PCLO: variants seen among roughly 807,000 people sequenced by gnomAD.
PCLO encodes the protein protein piccolo.
Under a neutral mutation model 427.5 loss-of-function variants are expected in PCLO, and 82 were observed. That is an observed-to-expected ratio of 0.19 (90% CI 0.16 to 0.23). The LOEUF (loss-of-function observed/expected upper bound fraction) is 0.23, where lower values mean the gene tolerates loss of function less well. PCLO is among the 10% of genes least tolerant of loss of function. The pLI, the probability that PCLO is intolerant of heterozygous loss-of-function variation, is 1.00. For synonymous variants in PCLO, 2,357 were observed against 2,155.4 expected (o/e 1.09, Z -2.59); for missense variants, 6,239 against 6,115.9 (o/e 1.02, Z -0.67).
intron 9 of PCLO, among the ~76,000 whole-genome samples, chr7:82,891,213 G>A (rs1562840551): frequency 1.3e-5 from 2 of 152,052 alleles, no homozygotes; most frequent in African/African-American, 4.8e-5. Flanking sequence ...ACAAGAAAAT[G>A]GAAAGTCTGA....
At chr7:82,833,960 G>A (rs1792162368) in intron 16 of PCLO, among the ~76,000 whole-genome samples, 1 of 152,032 alleles carries the variant, frequency 6.6e-6, no homozygotes, top group African/African-American at 2.4e-5. Context: ...AAGTTCTTAA[G>A]GACCTCACTT....
chr7:82,792,589 A>C (rs1791127326), intron 22 of PCLO, among the ~76,000 whole-genome samples: 1 of 151,978 alleles, frequency 6.6e-6, no homozygotes, highest in Admixed American at 6.6e-5. Flanking sequence ...CAGCCTCCCA[A>C]AGTGCTGGGA....
At chr7:82,880,002 A>T (rs539454257) in intron 9 of PCLO, 1 of 314,408 alleles carries the variant, frequency 3.2e-6, no homozygotes, top group African/African-American at 2.2e-5. Flanking sequence ...GACACGATAA[A>T]ATTATTCTTG....
intron 6 of PCLO, among the ~76,000 whole-genome samples, chr7:82,921,089 C>T (rs1794584709): frequency 6.6e-6 from 1 of 151,762 alleles, no homozygotes; most frequent in Non-Finnish European, 1.5e-5. Flanking sequence ...CCACAAATAA[C>T]TAATAAATTA....
intron 3 of PCLO, among the ~76,000 whole-genome samples, chr7:83,030,222 C>T (rs1452150630): frequency 4.5e-5 from 6 of 132,016 alleles, no homozygotes; most frequent in Admixed American, 3.9e-4. Context: ...TTTGATAAGT[C>T]CAACAGTTGG....
chr7:82,868,172 C>G, intron 10 of PCLO: 1 of 456,636 alleles, frequency 2.2e-6, no homozygotes, highest in South Asian at 1.5e-5. Flanking sequence ...TCTTGATCTC[C>G]AACCTTGATC....
chr7:83,096,287 A>G (rs1254200683), intron 3 of PCLO, among the ~76,000 whole-genome samples: 1 of 152,080 alleles, frequency 6.6e-6, no homozygotes, highest in Non-Finnish European at 1.5e-5. Flanking sequence ...GACTTGACCT[A>G]TGATTTAAAC....
Position 82,916,691 on chromosome 7 carries a change from G to T in PCLO, c.11295C>A (p.Asp3765Glu), listed in dbSNP as rs760803563. The T allele has an allele frequency of 2.0e-5, 32 of 1,613,494 alleles. No individual in the cohort carries two copies. The highest frequency in any genetic ancestry group is 2.7e-5 in the Non-Finnish European group (32 of 1,179,730). Residue 3765 changes from aspartate (D) to glutamate (E), a missense_variant, in exon 7 of 25, where the codon GAC (aspartate) becomes GAA (glutamate). Transcript: ENST00000333891. ...CCACAAGATCAAGCTCTCTGTCTAT[G>T]TCCTGGAGAATCTTGGCTCGTGCCA... ...NTMARAKILQ[D>E]IDRELDLVER...
intron 3 of PCLO, among the ~76,000 whole-genome samples, chr7:83,094,707 A>G (rs1046516785): frequency 2.6e-5 from 4 of 152,192 alleles, no homozygotes; most frequent in South Asian, 4.1e-4. Context: ...GTTTGTGGAC[A>G]AGTGGTTGTA....
chr7:82,991,088 TATAAACA>T (rs1280737423), intron 3 of PCLO, among the ~76,000 whole-genome samples: 2 of 152,164 alleles, frequency 1.3e-5, no homozygotes, highest in East Asian at 3.9e-4. Context: ...TAAAAATAAC[TATAAACA>T]ATAATGTTCT....
intron 10 of PCLO, among the ~76,000 whole-genome samples, chr7:82,860,044 A>G (rs1309267455): frequency 6.6e-6 from 1 of 152,122 alleles, no homozygotes; most frequent in Non-Finnish European, 1.5e-5. Context: ...AAAAAGAGAG[A>G]ATTTTAAAAA....
intron 3 of PCLO, among the ~76,000 whole-genome samples, chr7:83,069,147 T>C (rs2116345043): frequency 6.6e-6 from 1 of 152,210 alleles, no homozygotes; most frequent in East Asian, 1.9e-4. Flanking sequence ...ATATTATGGG[T>C]GGTAATACAT....
chr7:82,828,224 A>G (rs1204489576), intron 16 of PCLO, among the ~76,000 whole-genome samples: 1 of 152,048 alleles, frequency 6.6e-6, no homozygotes, highest in Non-Finnish European at 1.5e-5. Flanking sequence ...TAAATATACT[A>G]TAATTTCAGA....
At chr7:83,002,697 G>C (rs1283583822) in intron 3 of PCLO, among the ~76,000 whole-genome samples, 1 of 151,866 alleles carries the variant, frequency 6.6e-6, no homozygotes, top group Non-Finnish European at 1.5e-5. Flanking sequence ...ATGTTATACT[G>C]TAGTGTCATT....
At chr7:82,818,571 T>A (rs1001916603) in intron 20 of PCLO, among the ~76,000 whole-genome samples, 9 of 152,292 alleles carry the variant, frequency 5.9e-5, no homozygotes, top group African/African-American at 2.2e-4. Flanking sequence ...AAGAGATAAG[T>A]CATAAATAAG....
chr7:82,828,446 T>C (rs527832783), intron 16 of PCLO, among the ~76,000 whole-genome samples: 59 of 152,300 alleles, frequency 3.9e-4, no homozygotes, highest in Middle Eastern at 3.4e-3. Flanking sequence ...TTGTTACTGA[T>C]ATCTAAAGTA....
intron 9 of PCLO, among the ~76,000 whole-genome samples, chr7:82,889,111 T>A (rs1793698424): frequency 6.6e-6 from 1 of 152,078 alleles, no homozygotes. Flanking sequence ...CGCTCCAACC[T>A]TTTGATACTA....
At chr7:83,093,807 A>C (rs1314586812) in intron 3 of PCLO, among the ~76,000 whole-genome samples, 2 of 40,518 alleles carry the variant, frequency 4.9e-5, no homozygotes, top group African/African-American at 8.4e-5. Context: ...CAAATATTAA[A>C]AAAAAAAAAA....
At chr7:83,131,636 A>G (rs1373788232) in intron 3 of PCLO, among the ~76,000 whole-genome samples, 1 of 152,118 alleles carries the variant, frequency 6.6e-6, no homozygotes, top group Non-Finnish European at 1.5e-5. Flanking sequence ...TTCTTGAGGG[A>G]ATACCATTTA....
Sources: allele counts gnomAD v4.1 joint callset (sites outside exome capture counted in the v4.1 genomes callset), GRCh38; gene constraint gnomAD v4.1.1; transcripts MANE v1.5; gene names NCBI Gene and HGNC (gene_info 2026-07-23, HGNC 2026-07-21).